The following USP34 variants were observed in gnomAD, a reference collection of about 807,000 sequenced individuals.
The protein encoded by USP34 is ubiquitin carboxyl-terminal hydrolase 34.
Under a neutral mutation model 460.3 loss-of-function variants are expected in USP34, and 70 were observed. The ratio of observed to expected loss-of-function variants is 0.15; its 90% CI spans 0.13 to 0.19. The LOEUF (loss-of-function observed/expected upper bound fraction) is 0.19. Ranked by LOEUF, USP34 falls within the 10% of genes least tolerant of loss-of-function variation. The pLI is 1.00. For synonymous variants in USP34, 1,647 were observed against 1,405.3 expected (o/e 1.17, Z -3.85); for missense variants, 3,985 against 4,236.2 (o/e 0.94, Z 1.65).
chr2:61,269,483 G>A (rs1426794456), intron 41 of USP34, among the ~76,000 whole-genome samples: 6 of 151,912 alleles, frequency 3.9e-5, no homozygotes, highest in Non-Finnish European at 7.4e-5. Flanking sequence ...AATAAAAGTT[G>A]CTACAGCATT....
chr2:61,339,662 A>G lies in USP34; in HGVS notation c.2520T>C (p.His840=). The G allele has an allele frequency of 1.3e-6, 2 of 1,514,614 alleles. No individual in the cohort carries two copies. Among genetic ancestry groups the G allele is most frequent in the Non-Finnish European group, 1.8e-6 (2 of 1,134,212 alleles). 93.8% of individuals were successfully genotyped at this position (1,514,614 alleles called of 1,614,324 possible). Residue 840 remains histidine, a synonymous_variant, in exon 17 of 80, where the codon CAT becomes CAC. Coordinates refer to ENST00000398571, the MANE Select transcript of USP34 (RefSeq NM_014709.4). ...HLSQGPVVHK[H]QFNSNAVTDI... ...CTGTAACAGCATTACTGTTGAATTG[A>G]TGTTTATGAACTACAGGTCCTGAAG...
rs1191062806 is a variant in USP34, at chr2:61,248,685, TGAGA to T, written c.6222-6_6222-3del. 3.2e-6 allele frequency: 5 copies of T among 1,546,728 alleles called. 1 individual carries two copies. The South Asian group carries it at 4.9e-5, about 15-fold the overall frequency. On this transcript the variant is annotated splice_polypyrimidine_tract_variant and splice_region_variant and intron_variant, in intron 48 of 79. Coordinates refer to ENST00000398571, the MANE Select transcript of USP34 (RefSeq NM_014709.4). ...CGAGGCAATTTCTTAAAACATGCCC[TGAGA>T]GACAAGAAAAAAATTAATAAAGATT...
In USP34 at chr2:61,295,037, G is replaced by C; in HGVS notation, c.4378-5C>G. 6.2e-7 allele frequency: 1 copy of C among 1,608,248 alleles called. No individual in the cohort carries two copies. Among genetic ancestry groups the C allele is most frequent in the East Asian group, 2.2e-5 (1 of 44,710 alleles). On this transcript the variant is annotated splice_polypyrimidine_tract_variant and splice_region_variant and intron_variant, in intron 31 of 79. Transcript: ENST00000398571. The stretch of plus-strand genomic sequence containing the variant: ...ATAAAGATCACTGTAACTTCCCTAT[G>C]AGAAAGGCAAAAAAAGTAAGGCAGA...
At chr2:61,288,624 A>C in intron 34 of USP34, 53 bp downstream of exon 34, 1 of 1,559,058 alleles carries the variant, frequency 6.4e-7, no homozygotes, top group Non-Finnish European at 8.8e-7. Context: ...ATATTTCTTC[A>C]GTTTATAAAA....
At chr2:61,276,439 G>C (rs1689374574) in intron 41 of USP34, among the ~76,000 whole-genome samples, 1 of 151,836 alleles carries the variant, frequency 6.6e-6, no homozygotes, top group Non-Finnish European at 1.5e-5. Flanking sequence ...ATCGATCACA[G>C]AATACTATTT....
chr2:61,416,259 A>T (rs1291830418), intron 2 of USP34, among the ~76,000 whole-genome samples: 1 of 152,260 alleles, frequency 6.6e-6, no homozygotes, highest in Non-Finnish European at 1.5e-5. Flanking sequence ...CCTATTTAAA[A>T]GCAACGGCTT....
intron 12 of USP34, among the ~76,000 whole-genome samples, chr2:61,349,636 C>T (rs1480998808): frequency 6.6e-6 from 1 of 152,044 alleles, no homozygotes; most frequent in Non-Finnish European, 1.5e-5. Flanking sequence ...ATCAGGAGAT[C>T]GAGACCATCC....
rs192969288 is a variant in USP34, at chr2:61,287,689, C to G, written c.4749+988G>C. On this transcript the variant is annotated intron_variant, in intron 34 of 79. Coordinates refer to ENST00000398571, the MANE Select transcript of USP34 (RefSeq NM_014709.4). ...TTAACACTTTCTTTTCTCTAGCTTA[C>G]TTTAAGAATACAGTATATAATAGTA... Among the ~76,000 whole-genome samples, 414 of 152,260 alleles carry G rather than the reference C, an allele frequency of 2.7e-3. 1 individual carries two copies. Among genetic ancestry groups the G allele is most frequent in the African/African-American group, 9.3e-3 (385 of 41,524 alleles).
At chr2:61,287,860 C>T (rs989271985) in intron 34 of USP34, among the ~76,000 whole-genome samples, 2 of 152,280 alleles carry the variant, frequency 1.3e-5, no homozygotes, top group South Asian at 4.1e-4. Flanking sequence ...CTTAACTCCT[C>T]TATTTTTCAA....
intron 51 of USP34, among the ~76,000 whole-genome samples, chr2:61,242,845 T>G (rs1338056617): frequency 1.3e-5 from 2 of 152,156 alleles, no homozygotes; most frequent in Non-Finnish European, 2.9e-5. Context: ...ACACAAAGAT[T>G]CAAAACATTT....
intron 1 of USP34, among the ~76,000 whole-genome samples, chr2:61,445,392 G>C (rs1254330659): frequency 6.6e-6 from 1 of 151,774 alleles, no homozygotes; most frequent in Non-Finnish European, 1.5e-5. Context: ...AAAGTTAGCG[G>C]GGCGTGGTGG....
chr2:61,273,361 GATTCT>G (rs1477218357), intron 41 of USP34, among the ~76,000 whole-genome samples: 2 of 152,060 alleles, frequency 1.3e-5, no homozygotes, highest in African/African-American at 4.8e-5. Flanking sequence ...TAGATGAACT[GATTCT>G]AAAGTTTATG....
At chr2:61,377,778 T>G (rs576939927) in intron 8 of USP34, among the ~76,000 whole-genome samples, 1 of 152,216 alleles carries the variant, frequency 6.6e-6, no homozygotes, top group Non-Finnish European at 1.5e-5. Context: ...ACAGTGTACT[T>G]TCTGAAAACT....
At position 61,444,448 on chromosome 2, in the gene USP34, A is replaced by G. The variant is rs149691687; in HGVS notation, c.44-23615T>C. Among the ~76,000 whole-genome samples, 870 of 152,278 alleles carry G rather than the reference A, an allele frequency of 5.7e-3. 5 individuals carry two copies. Among genetic ancestry groups the G allele is most frequent in the African/African-American group, 0.02 (849 of 41,570 alleles). On this transcript the variant is annotated intron_variant, in intron 1 of 79. Coordinates refer to ENST00000398571, the MANE Select transcript of USP34 (RefSeq NM_014709.4). The stretch of plus-strand genomic sequence containing the variant: ...AGGATAAAAATATAGAAGAAAGCAA[A>G]AGAGAGAAGGAAGATCAAAAGGTGA...
intron 3 of USP34, among the ~76,000 whole-genome samples, chr2:61,398,937 G>C (rs1693627159): frequency 6.6e-6 from 1 of 152,082 alleles, no homozygotes; most frequent in Non-Finnish European, 1.5e-5. Flanking sequence ...ACTTTTTCAT[G>C]GTCTTCAAAA....
chr2:61,394,861 C>T lies in USP34; in HGVS notation c.745G>A (p.Val249Met), dbSNP rs767391190. 1.9e-6 allele frequency: 3 copies of T among 1,575,522 alleles called. No individual in the cohort carries two copies. ...TTCAAAACAATACTTACATTAGACA[C>T]AACTGTAATAAACGCATGTGCTATA... Reference protein sequence around the residue: ...FLIAHAFITVVSNIRIWLHIP... With the variant: ...FLIAHAFITVMSNIRIWLHIP... Residue 249 changes from valine to methionine, a missense_variant, in exon 5 of 80, where the codon GTG becomes ATG. By Grantham distance (21) the Val-to-Met change is conservative (BLOSUM62 1). Around this residue, in one of 14 missense-constraint regions of USP34, gnomAD observed 331 missense variants for 293.7 expected, o/e 1.13. Coordinates refer to ENST00000398571, the MANE Select transcript of USP34 (RefSeq NM_014709.4).
At chr2:61,239,242 T>C (rs1572861638) in intron 53 of USP34, among the ~76,000 whole-genome samples, 2 of 151,118 alleles carry the variant, frequency 1.3e-5, no homozygotes, top group African/African-American at 4.9e-5. Flanking sequence ...CACACATCTT[T>C]CACCTTAAAT....
At chr2:61,252,978 T>C (rs935756583) in intron 48 of USP34, among the ~76,000 whole-genome samples, 1 of 152,246 alleles carries the variant, frequency 6.6e-6, no homozygotes, top group Non-Finnish European at 1.5e-5. Flanking sequence ...TAGTTTAGAA[T>C]GCTTTGTCAG....
intron 36 of USP34, 23 bp from the exon 37 acceptor site, chr2:61,283,292 T>C (rs1278990979): frequency 1.9e-6 from 3 of 1,607,902 alleles, no homozygotes; most frequent in African/African-American, 1.3e-5. Flanking sequence ...TAGAAAACAG[T>C]TCACTATAAA....
Sources: allele counts gnomAD v4.1 joint callset (sites outside exome capture counted in the v4.1 genomes callset), GRCh38; gene constraint gnomAD v4.1.1; regional missense constraint gnomAD v4.1.1; transcripts MANE v1.5; gene names NCBI Gene and HGNC (gene_info 2026-07-23, HGNC 2026-07-21).